USP9X: variants seen among roughly 807,000 people sequenced by gnomAD.
USP9X encodes ubiquitin specific peptidase 9 X-linked.
In USP9X, 7 loss-of-function variants were observed where a neutral mutation model predicts 190.3. That is an observed-to-expected ratio of 0.04 (90% CI 0.02 to 0.07). The LOEUF (loss-of-function observed/expected upper bound fraction) is 0.07. Among genes scored for constraint, USP9X ranks in the 10% least tolerant of loss-of-function variants. USP9X has a pLI of 1.00. For synonymous variants in USP9X, 645 were observed against 659.5 expected, an observed-to-expected ratio of 0.98 and a Z score of 0.34; for missense variants, 1,010 against 1,916.9, an observed-to-expected ratio of 0.53 and a Z score of 8.83.
chrX:41,135,646 C>T (rs763720183), intron 5 of USP9X, among the ~76,000 whole-genome samples: 4 of 111,666 alleles, frequency 3.6e-5, no homozygotes, highest in Admixed American at 9.5e-5. Flanking sequence ...TGTGTCCCCC[C>T]GCAAGACGGA....
rs1162159924 is a variant in USP9X at position 41,186,749 on chromosome X, A to G, written c.3684+107A>G. The G allele has an allele frequency of 4.5e-6, 4 of 883,584 alleles. No homozygotes were observed. In the Admixed American group the frequency reaches 8.4e-5, roughly 19 times the overall value. The allele number at this position is 883,584 out of a possible 1,213,427, so 72.8% of individuals were successfully genotyped here. A position where few individuals can be genotyped will look rare whatever the true frequency, so the allele number is the denominator to read the frequency against. The stretch of plus-strand genomic sequence containing the variant: ...TGTCCCCTTAATATCAGTTTTGTCT[A>G]CTATTAATATTAGTACTTTCTGTTT... On this transcript the variant is annotated intron_variant, in intron 24 of 44. Transcript: ENST00000378308.
intron 14 of USP9X, among the ~76,000 whole-genome samples, chrX:41,158,936 T>C (rs746756096): frequency 8.9e-6 from 1 of 112,237 alleles, no homozygotes; most frequent in African/African-American, 3.2e-5. Flanking sequence ...GAACTTCCTC[T>C]ACCTGATCAA....
intron 1 of USP9X, among the ~76,000 whole-genome samples, chrX:41,120,629 G>A (rs1601948282): frequency 9.1e-6 from 1 of 109,694 alleles, no homozygotes; most frequent in Non-Finnish European, 1.9e-5. Flanking sequence ...TCTCCAGGTA[G>A]CTGGGACTAC....
chrX:41,234,509 A>C lies in USP9X; in HGVS notation c.*1985A>C, dbSNP rs1426902906. ...ATTTTGACACCGATACTTTGAGTGA[A>C]AGTCACACACGGTGTTTGCAATTCC... On this transcript the variant is annotated 3_prime_UTR_variant, in exon 45 of 45. Transcript: ENST00000378308. The C allele has an allele frequency of 8.9e-6, 1 of 112,014 alleles. No homozygotes were observed. The highest frequency in any genetic ancestry group is 1.9e-5 in the Non-Finnish European group (1 of 53,243). The allele number at this position is 112,014 out of a possible 1,213,427, so 9.2% of individuals were successfully genotyped here.
At chrX:41,111,055 A>G (rs2146958638) in intron 1 of USP9X, among the ~76,000 whole-genome samples, 2 of 111,229 alleles carry the variant, frequency 1.8e-5, no homozygotes, top group East Asian at 2.8e-4. Context: ...CCACACTCCC[A>G]ATTTTAGTTT....
intron 1 of USP9X, among the ~76,000 whole-genome samples, chrX:41,098,701 G>T (rs959248854): frequency 7.4e-5 from 8 of 107,820 alleles, no homozygotes; most frequent in Non-Finnish European, 1.5e-4. Context: ...GATTACAGGC[G>T]CCTGCCACCA....
At chrX:41,170,690 G>A in intron 20 of USP9X, 71 bp downstream of exon 20, 4 of 1,032,477 alleles carry the variant, frequency 3.9e-6, no homozygotes, top group Non-Finnish European at 5.1e-6. Context: ...AAAGTATATA[G>A]AGTGGTTCTT....
At chrX:41,209,637 T>C (rs1213016347) in intron 32 of USP9X, among the ~76,000 whole-genome samples, 1 of 112,053 alleles carries the variant, frequency 8.9e-6, no homozygotes, top group East Asian at 2.8e-4. Context: ...GGTTTGAAAG[T>C]AAATAGAACG....
chrX:41,129,342 G>A (rs188110944), intron 3 of USP9X, among the ~76,000 whole-genome samples, 197 bp downstream of exon 3: 2 of 112,277 alleles, frequency 1.8e-5, no homozygotes, highest in Admixed American at 1.9e-4. Context: ...GGTTGTTTCC[G>A]AAGTAAAATT....
chrX:41,216,834 A>G (rs1222889016), intron 35 of USP9X, among the ~76,000 whole-genome samples, 182 bp downstream of exon 35: 1 of 111,025 alleles, frequency 9.0e-6, no homozygotes, highest in African/African-American at 3.3e-5. Flanking sequence ...CCTGAGGTCA[A>G]GAGTTCAATA....
At position 41,160,906 on chromosome X, in the gene USP9X, A is replaced by G. The variant is rs755962145; in HGVS notation, c.1898-1884A>G. 2.2e-3 allele frequency among the ~76,000 whole-genome samples: 247 copies of G among 111,763 alleles called. 1 individual carries two copies. Among genetic ancestry groups the G allele is most frequent in the Middle Eastern group, 0.019 (4 of 215 alleles). On this transcript the variant is annotated intron_variant, in intron 14 of 44. Transcript: ENST00000378308. ...ATTGGGAAAATTGATGAACTCGAAT[A>G]TGGACCATGGATTAAATCAGTGCTC... is the stretch of plus-strand genomic sequence containing the variant.
intron 15 of USP9X, among the ~76,000 whole-genome samples, chrX:41,165,318 C>T (rs911318569): frequency 9.0e-6 from 1 of 111,725 alleles, no homozygotes; most frequent in Non-Finnish European, 1.9e-5. Context: ...CTCCGCCTCC[C>T]GGGTTCAATT....
chrX:41,233,097 G>C lies in USP9X; in HGVS notation c.*573G>C, dbSNP rs964813295. 1 of 112,099 alleles carries C rather than the reference G, an allele frequency of 8.9e-6. No homozygotes were observed. Among genetic ancestry groups the C allele is most frequent in the South Asian group, 3.6e-4 (1 of 2,772 alleles). The allele number at this position is 112,099 out of a possible 1,213,427, so 9.2% of individuals were successfully genotyped here. ...TGTGGAAAATTGGTGATGTAACACT[G>C]TTTCTAGATTTTTTTCATTGCCTTT... On this transcript the variant is annotated 3_prime_UTR_variant, in exon 45 of 45. Coordinates refer to ENST00000378308, the MANE Select transcript of USP9X (RefSeq NM_001039591.3).
At chrX:41,177,126 G>A (rs185839204) in intron 21 of USP9X, among the ~76,000 whole-genome samples, 1 of 111,800 alleles carries the variant, frequency 8.9e-6, no homozygotes. Context: ...CTAAAAACAA[G>A]AATGTTCTCA....
Position 41,229,652 on chromosome X carries a change from C to T in USP9X, c.7304C>T (p.Pro2435Leu). Reference sequence around the variant, plus strand: ...GAAAGAAGACCATATACTGGCAATCCTCAGTACACTTACAACAATTGGTCT... The same window carrying T: ...GAAAGAAGACCATATACTGGCAATCTTCAGTACACTTACAACAATTGGTCT... ...ELERRPYTGN[P>L]QYTYNNWSPP... is the part of the protein sequence containing the mutation. Residue 2435 changes from proline (P) to leucine (L), a missense_variant, in exon 43 of 45, where the codon CCT becomes CTT. Pro to Leu is a moderately conservative substitution (Grantham distance 98). Around this residue, in one of 11 missense-constraint regions of USP9X, gnomAD observed 20 missense variants for 59.3 expected, o/e 0.34. Transcript: ENST00000378308. 1.7e-6 allele frequency: 2 copies of T among 1,211,442 alleles called. No homozygotes were observed. The highest frequency in any genetic ancestry group is 2.2e-6 in the Non-Finnish European group (2 of 895,446).
intron 21 of USP9X, among the ~76,000 whole-genome samples, chrX:41,178,321 G>A (rs1285762162): frequency 1.8e-5 from 2 of 108,501 alleles, no homozygotes; most frequent in East Asian, 2.9e-4. Flanking sequence ...GGCTGGTCTC[G>A]AACGCTTGAC....
At chrX:41,206,669 A>G (rs1433917578) in intron 32 of USP9X, among the ~76,000 whole-genome samples, 2 of 111,469 alleles carry the variant, frequency 1.8e-5, no homozygotes, top group Non-Finnish European at 3.8e-5. Flanking sequence ...TGGATAGGCA[A>G]CGCTACTTCA....
intron 26 of USP9X, among the ~76,000 whole-genome samples, chrX:41,194,942 A>G (rs1422649113): frequency 8.9e-6 from 1 of 111,885 alleles, no homozygotes; most frequent in Non-Finnish European, 1.9e-5. Context: ...TTTAAAAAAG[A>G]TAGATCCATG....
In USP9X at chrX:41,129,261, A is replaced by G. The variant is rs1026301132; in HGVS notation, c.242+116A>G. ...AGTGCTTTATAACCCATGATTCTTA[A>G]TAGATTTAATAAATGAAAGGGAGTG... is the stretch of plus-strand genomic sequence containing the variant. On this transcript the variant is annotated intron_variant, in intron 3 of 44. Coordinates refer to ENST00000378308, the MANE Select transcript of USP9X (RefSeq NM_001039591.3). The G allele has an allele frequency of 2.3e-5, 17 of 723,755 alleles. No individual in the cohort carries two copies. In the East Asian group the frequency reaches 4.9e-4, roughly 21 times the overall value. 59.6% of individuals were successfully genotyped at this position (723,755 alleles called of 1,213,427 possible). A position where few individuals can be genotyped will look rare whatever the true frequency, so the allele number is the denominator to read the frequency against.
Sources: gnomAD v4.1 joint callset for allele counts (sites outside exome capture counted in the v4.1 genomes callset) on GRCh38, gnomAD v4.1.1 for gene constraint, gnomAD v4.1.1 regional missense constraint, MANE v1.5 for transcripts, NCBI Gene and HGNC (gene_info 2026-07-23, HGNC 2026-07-21) for gene names.